Variants in NLGN1 observed in about 807,000 individuals in gnomAD.
The protein encoded by NLGN1 is neuroligin 1, also known as neuroligin-1.
Under a neutral mutation model 65.5 loss-of-function variants are expected in NLGN1, and 12 were observed. The observed-to-expected ratio is 0.18, with a 90% CI of 0.12 to 0.30. The LOEUF (loss-of-function observed/expected upper bound fraction) is 0.30, where lower values mean the gene tolerates loss of function less well. Among genes scored for constraint, NLGN1 ranks in the 10% least tolerant of loss-of-function variants. The probability of loss-of-function intolerance (pLI) is 1.00; values close to 1 mark genes in which losing one functional copy is unlikely to be tolerated. For missense variants in NLGN1, 750 were observed against 1,007.1 expected (o/e 0.74, Z 3.46); for synonymous variants, 350 against 359.5 (o/e 0.97, Z 0.30).
intron 4 of NLGN1, among the ~76,000 whole-genome samples, chr3:174,100,497 C>T (rs1712178999): frequency 6.6e-6 from 1 of 151,552 alleles, no homozygotes; most frequent in African/African-American, 2.4e-5. Context: ...AAGTTAAACC[C>T]TTTCAGTGTG....
Position 173,655,622 on chromosome 3 carries a change from T to C in NLGN1, c.493+50531T>C, listed in dbSNP as rs528409815. Reference sequence around the variant, plus strand: ...TCTAGTTCTCTGTTCTTTCTTCACGTTGAAATTATTTCTGGATGAATTTGT... The same window carrying C: ...TCTAGTTCTCTGTTCTTTCTTCACGCTGAAATTATTTCTGGATGAATTTGT... On this transcript the variant is annotated intron_variant, in intron 3 of 6. Coordinates refer to ENST00000457714, the Ensembl canonical transcript of NLGN1. 4.6e-5 allele frequency among the ~76,000 whole-genome samples: 7 copies of C among 152,270 alleles called. No homozygotes were observed. In the South Asian group the frequency reaches 1.2e-3, roughly 27 times the overall value.
At chr3:173,772,060 A>G (rs935761280) in intron 3 of NLGN1, among the ~76,000 whole-genome samples, 3 of 152,090 alleles carry the variant, frequency 2.0e-5, no homozygotes, top group African/African-American at 7.2e-5. Flanking sequence ...AACAAAACCC[A>G]GGGCATATTT....
chr3:173,686,808 C>T (rs535873783), intron 3 of NLGN1, among the ~76,000 whole-genome samples: 19 of 152,110 alleles, frequency 1.2e-4, no homozygotes, highest in Non-Finnish European at 2.5e-4. Context: ...CAAAAATTAG[C>T]GGGGTGTGGT....
chr3:174,027,170 A>G (rs554130896), intron 4 of NLGN1, among the ~76,000 whole-genome samples: 2 of 152,276 alleles, frequency 1.3e-5, no homozygotes, highest in South Asian at 2.1e-4. Flanking sequence ...AGGTTCCTGC[A>G]TACTATAACA....
chr3:173,718,034 A>T (rs1245188068), intron 3 of NLGN1, among the ~76,000 whole-genome samples: 1 of 152,138 alleles, frequency 6.6e-6, no homozygotes, highest in Non-Finnish European at 1.5e-5. Flanking sequence ...TTAAACAACT[A>T]TACATATATA....
intron 4 of NLGN1, among the ~76,000 whole-genome samples, chr3:173,983,031 T>C (rs1719106837): frequency 6.6e-6 from 1 of 152,214 alleles, no homozygotes; most frequent in South Asian, 2.1e-4. Flanking sequence ...ATTTCATTCT[T>C]TTTCTCTCAA....
chr3:173,550,663 C>T (rs1037453376), intron 2 of NLGN1, among the ~76,000 whole-genome samples: 5 of 31,882 alleles, frequency 1.6e-4, no homozygotes, highest in Non-Finnish European at 2.3e-4. Context: ...CATTAGACAG[C>T]TACTTACTGA....
chr3:173,544,208 A>G (rs889963151), intron 2 of NLGN1, among the ~76,000 whole-genome samples: 1 of 151,990 alleles, frequency 6.6e-6, no homozygotes. Flanking sequence ...AAAAAGAAAA[A>G]AAAGGAAGCC....
intron 4 of NLGN1, among the ~76,000 whole-genome samples, chr3:174,068,543 G>A (rs1239144134): frequency 5.9e-5 from 9 of 151,968 alleles, no homozygotes; most frequent in South Asian, 4.2e-4. Context: ...TTTCTAAACC[G>A]CGCATGTACT....
At position 173,428,722 on chromosome 3, in the gene NLGN1, T is replaced by C. The variant is rs9863494; in HGVS notation, c.-389-6288T>C. The stretch of plus-strand genomic sequence containing the variant: ...GAGTATTCTGCATTTGTATTTGTTC[T>C]TGCCTTTTCCATTGTTTTATACTTT... On this transcript the variant is annotated intron_variant, in intron 1 of 6. Transcript: ENST00000457714. Among the ~76,000 whole-genome samples, 431 of 152,234 alleles carry C rather than the reference T, an allele frequency of 2.8e-3. 1 individual carries two copies. Among genetic ancestry groups the C allele is most frequent in the African/African-American group, 9.8e-3 (407 of 41,572 alleles).
intron 4 of NLGN1, among the ~76,000 whole-genome samples, chr3:173,820,195 A>AC: frequency 6.6e-6 from 1 of 152,148 alleles, no homozygotes; most frequent in East Asian, 1.9e-4. Flanking sequence ...AAAAAAAAAA[A>AC]AAAAAAAACG....
intron 2 of NLGN1, among the ~76,000 whole-genome samples, chr3:173,440,794 A>T (rs1439576791): frequency 6.6e-6 from 1 of 152,194 alleles, no homozygotes; most frequent in Non-Finnish European, 1.5e-5. Context: ...ATAAATGACC[A>T]GTGGTTTCAA....
chr3:173,429,204 C>T (rs993771855), intron 1 of NLGN1, among the ~76,000 whole-genome samples: 6 of 151,670 alleles, frequency 4.0e-5, no homozygotes, highest in African/African-American at 1.5e-4. Context: ...TTTTTCTGTC[C>T]TCTGACTGTG....
Position 174,115,169 on chromosome 3 carries a change from A to C in NLGN1, c.647-160146A>C, listed in dbSNP as rs150012101. Among the ~76,000 whole-genome samples the C allele has an allele frequency of 5.8e-4, 88 of 152,246 alleles. 1 individual carries two copies. Among genetic ancestry groups the C allele is most frequent in the African/African-American group, 2.0e-3 (84 of 41,558 alleles). On this transcript the variant is annotated intron_variant, in intron 4 of 6. Coordinates refer to ENST00000457714, the Ensembl canonical transcript of NLGN1. ...GAAAGTAAGTAGAGAATGGTCAATGACTCAGTACGTTGAAGTTAGATTTGG... is the reference window on the plus strand; with the variant it reads ...GAAAGTAAGTAGAGAATGGTCAATGCCTCAGTACGTTGAAGTTAGATTTGG...
chr3:173,975,901 T>G (rs1717329222), intron 4 of NLGN1, among the ~76,000 whole-genome samples: 2 of 152,086 alleles, frequency 1.3e-5, no homozygotes, highest in Admixed American at 6.6e-5. Context: ...TCATATGTCT[T>G]GTTCACTAAT....
At position 173,566,507 on chromosome 3, in the gene NLGN1, T is replaced by G. The variant is rs557659252; in HGVS notation, c.-320-37772T>G. On this transcript the variant is annotated intron_variant, in intron 2 of 6. Coordinates refer to ENST00000457714, the Ensembl canonical transcript of NLGN1. ...ATAAAATTCTGTCAAATTAATAAAT[T>G]TGGAAAAAAAATATTTCCTTTCTGA... 2.9e-3 allele frequency among the ~76,000 whole-genome samples: 442 copies of G among 152,226 alleles called. 1 individual carries two copies. The highest frequency in any genetic ancestry group is 0.015 in the South Asian group (71 of 4,826).
intron 4 of NLGN1, among the ~76,000 whole-genome samples, chr3:173,918,851 T>C (rs115059142): frequency 6.6e-6 from 1 of 152,088 alleles, no homozygotes; most frequent in Admixed American, 6.6e-5. Flanking sequence ...AGTCCTAAAA[T>C]CAGTGTGTCT....
At chr3:173,941,346 G>T (rs889357730) in intron 4 of NLGN1, among the ~76,000 whole-genome samples, 2 of 152,050 alleles carry the variant, frequency 1.3e-5, no homozygotes, top group African/African-American at 4.8e-5. Context: ...TTGCTTAGCA[G>T]AGTCTTATCA....
chr3:173,827,943 C>T (rs1721700969), intron 4 of NLGN1, among the ~76,000 whole-genome samples: 1 of 151,978 alleles, frequency 6.6e-6, no homozygotes, highest in African/African-American at 2.4e-5. Context: ...CTTCCTTACT[C>T]AGTATACTGA....
Sources: gnomAD v4.1 joint callset for allele counts (sites outside exome capture counted in the v4.1 genomes callset) on GRCh38, gnomAD v4.1.1 for gene constraint, MANE v1.5 for transcripts, NCBI Gene and HGNC (gene_info 2026-07-23, HGNC 2026-07-21) for gene names.